Variants in ATP6V0A1 observed in about 807,000 individuals in gnomAD.
ATP6V0A1 encodes ATPase H+ transporting V0 subunit a1.
In ATP6V0A1, 43 loss-of-function variants were observed where a neutral mutation model predicts 105.4. That is an observed-to-expected ratio of 0.41 (90% confidence interval 0.32 to 0.53). The LOEUF (loss-of-function observed/expected upper bound fraction) is 0.53, where lower values mean the gene tolerates loss of function less well. ATP6V0A1 is among the 20% of genes least tolerant of loss of function. The pLI is 0.30. For missense variants in ATP6V0A1, 676 were observed against 1,051.1 expected (o/e 0.64, Z 4.93); for synonymous variants, 362 against 372.8 (o/e 0.97, Z 0.33).
intron 17 of ATP6V0A1, among the ~76,000 whole-genome samples, chr17:42,507,127 G>A (rs112584243): frequency 7.2e-5 from 11 of 152,276 alleles, no homozygotes; most frequent in African/African-American, 2.4e-4. Flanking sequence ...AAGTCTAATC[G>A]TTAGGGCCAG....
intron 3 of ATP6V0A1, among the ~76,000 whole-genome samples, 183 bp from the exon 4 acceptor site, chr17:42,467,826 AT>A: frequency 6.6e-6 from 1 of 152,138 alleles, no homozygotes; most frequent in Non-Finnish European, 1.5e-5. Context: ...AGAAAGAGGG[AT>A]GGGGAGAAAA....
intron 2 of ATP6V0A1, 123 bp downstream of exon 2, chr17:42,461,134 T>A (rs1395168517): frequency 2.5e-6 from 2 of 794,408 alleles, no homozygotes; most frequent in East Asian, 5.1e-5. Context: ...TGACTTCCTA[T>A]TGGCAGAATG....
chr17:42,503,172 G>T (rs1411925906), intron 17 of ATP6V0A1, among the ~76,000 whole-genome samples: 1 of 152,120 alleles, frequency 6.6e-6, no homozygotes, highest in South Asian at 2.1e-4. Context: ...ACAGCTCTTG[G>T]ACTCACCCAC....
intron 19 of ATP6V0A1, chr17:42,510,082 G>A (rs1284437215): frequency 6.6e-6 from 1 of 152,218 alleles, no homozygotes; most frequent in Non-Finnish European, 1.5e-5. Context: ...CCCAGTGGAA[G>A]CATTAGTACC....
chr17:42,498,933 A>G lies in ATP6V0A1; in HGVS notation c.1570A>G (p.Ile524Val), dbSNP rs750460108. ...YPFGIDPIWN[I>V]ATNKLTFLNS... ...TCTCGGGTTATGACAGATTTGGAACATTGCTACCAATAAACTGACGTTCTT... is the reference window on the plus strand; with the variant it reads ...TCTCGGGTTATGACAGATTTGGAACGTTGCTACCAATAAACTGACGTTCTT... Residue 524 changes from isoleucine (I) to valine (V), a missense_variant, in exon 15 of 22, where the codon ATT becomes GTT. By Grantham distance (29) the Ile-to-Val change is conservative. Around this residue, in one of 3 missense-constraint regions of ATP6V0A1, gnomAD observed 435 missense variants for 642.2 expected, o/e 0.68. Coordinates refer to ENST00000343619, the MANE Select transcript of ATP6V0A1 (RefSeq NM_001130021.3). 1 of 1,608,672 alleles carries G rather than the reference A, an allele frequency of 6.2e-7. No individual in the cohort carries two copies. The highest frequency in any genetic ancestry group is 1.3e-5 in the African/African-American group (1 of 74,940).
At position 42,490,475 on chromosome 17, in the gene ATP6V0A1, A is replaced by T. The variant is rs771887689; in HGVS notation, c.1024-12A>T. 8 of 1,593,278 alleles carry T rather than the reference A, an allele frequency of 5.0e-6. No individual in the cohort carries two copies. The highest frequency in any genetic ancestry group is 1.4e-5 in the African/African-American group (1 of 73,774). Reference sequence around the variant, plus strand: ...ATAACCTAAGTTTGATAAATGTGCTAATGTTTTTCAGGAACACAGTGGTTC... The same window carrying T: ...ATAACCTAAGTTTGATAAATGTGCTTATGTTTTTCAGGAACACAGTGGTTC... On this transcript the variant is annotated splice_polypyrimidine_tract_variant and intron_variant, in intron 10 of 21. Coordinates refer to ENST00000343619, the MANE Select transcript of ATP6V0A1 (RefSeq NM_001130021.3).
intron 8 of ATP6V0A1, among the ~76,000 whole-genome samples, chr17:42,481,762 A>C (rs1258697804): frequency 6.6e-6 from 1 of 152,218 alleles, no homozygotes; most frequent in Non-Finnish European, 1.5e-5. Context: ...TGGTTTATAA[A>C]TGCCATATTA....
intron 1 of ATP6V0A1, among the ~76,000 whole-genome samples, chr17:42,459,443 A>C (rs1203443182): frequency 6.6e-6 from 1 of 152,220 alleles, no homozygotes; most frequent in Non-Finnish European, 1.5e-5. Flanking sequence ...CTTTTGCAGA[A>C]TTGCTGTTTC....
At chr17:42,468,531 C>T (rs1307708927) in intron 4 of ATP6V0A1, among the ~76,000 whole-genome samples, 1 of 152,116 alleles carries the variant, frequency 6.6e-6, no homozygotes, top group Non-Finnish European at 1.5e-5. Context: ...TCTTCATCCC[C>T]CCACAAACCC....
chr17:42,503,010 G>A (rs376424626), intron 17 of ATP6V0A1: 2 of 152,300 alleles, frequency 1.3e-5, no homozygotes, highest in African/African-American at 2.4e-5. Flanking sequence ...CTGAGATGAT[G>A]ACAGAAGTTC....
At chr17:42,490,763 A>C in intron 11 of ATP6V0A1, 126 bp downstream of exon 11, 4 of 1,034,252 alleles carry the variant, frequency 3.9e-6, no homozygotes. Context: ...ACTGTAGTTC[A>C]CTGCAGCCTC....
intron 9 of ATP6V0A1, among the ~76,000 whole-genome samples, chr17:42,486,293 C>G (rs1390470062): frequency 6.6e-6 from 1 of 152,076 alleles, no homozygotes; most frequent in African/African-American, 2.4e-5. Flanking sequence ...CGCCTGTAAT[C>G]CCAGCTACTC....
intron 11 of ATP6V0A1, 130 bp downstream of exon 11, chr17:42,490,767 C>A (rs1438598923): frequency 5.2e-6 from 5 of 960,008 alleles, no homozygotes; most frequent in Middle Eastern, 3.3e-4. Flanking sequence ...TAGTTCACTG[C>A]AGCCTCAAAC....
At chr17:42,518,348 G>A (rs1409241938) in intron 21 of ATP6V0A1, 1 of 152,260 alleles carries the variant, frequency 6.6e-6, no homozygotes, top group Non-Finnish European at 1.5e-5. Flanking sequence ...ATGACAGCAT[G>A]GAGCAGTTGA....
chr17:42,510,644 T>C (rs1258067821), intron 19 of ATP6V0A1: 2 of 152,196 alleles, frequency 1.3e-5, no homozygotes, highest in African/African-American at 4.8e-5. Context: ...AGACTAGAGG[T>C]TGGCAGAAAC....
At chr17:42,508,692 G>GC in intron 19 of ATP6V0A1, 103 bp downstream of exon 19, 1 of 1,497,854 alleles carries the variant, frequency 6.7e-7, no homozygotes, top group Non-Finnish European at 9.3e-7. Flanking sequence ...CCATACACAT[G>GC]ACTCCTGTGC....
chr17:42,511,602 T>A (rs1232190408), intron 19 of ATP6V0A1: 2 of 152,206 alleles, frequency 1.3e-5, no homozygotes, highest in Admixed American at 1.3e-4. Flanking sequence ...ATGGCAGGTA[T>A]TTCAAAAAGG....
intron 21 of ATP6V0A1, among the ~76,000 whole-genome samples, chr17:42,516,685 C>T (rs2092642326): frequency 6.6e-6 from 1 of 152,238 alleles, no homozygotes; most frequent in African/African-American, 2.4e-5. Context: ...TGTTGCAGAG[C>T]AAGGCCGCCT....
Position 42,499,049 on chromosome 17 carries a change from T to C in ATP6V0A1, c.1679+7T>C, listed in dbSNP as rs773472758. ...TGAGTCTGTTCAACCATATGTGAGT[T>C]GTTCCATTTCTGTCATAAGAATGTG... On this transcript the variant is annotated splice_region_variant and intron_variant, in intron 15 of 21. Transcript: ENST00000343619. The C allele has an allele frequency of 3.2e-6, 5 of 1,564,400 alleles. No individual in the cohort carries two copies. In the East Asian group the frequency reaches 1.1e-4, roughly 35 times the overall value.
Sources: allele counts gnomAD v4.1 joint callset (sites outside exome capture counted in the v4.1 genomes callset), GRCh38; gene constraint gnomAD v4.1.1; regional missense constraint gnomAD v4.1.1; transcripts MANE v1.5; gene names NCBI Gene and HGNC (gene_info 2026-07-23, HGNC 2026-07-21).